ARHGAP22: variants seen among roughly 807,000 people sequenced by gnomAD.
ARHGAP22 encodes Rho GTPase activating protein 22, also known as rho GTPase-activating protein 22.
A neutral mutation model predicts 59.1 loss-of-function variants in ARHGAP22; 48 were observed. The ratio of observed to expected loss-of-function variants is 0.81; its 90% CI spans 0.64 to 1.03. The LOEUF is 1.03. Among genes scored for constraint, ARHGAP22 ranks in the 50% least tolerant of loss-of-function variants. The probability of loss-of-function intolerance (pLI) is 0.00; values close to 1 mark genes in which losing one functional copy is unlikely to be tolerated. For synonymous variants in ARHGAP22, 445 were observed against 416.4 expected, an observed-to-expected ratio of 1.07 and a Z score of -0.84; for missense variants, 1,015 against 958.7, an observed-to-expected ratio of 1.06 and a Z score of -0.78.
At chr10:48,501,261 A>C (rs1322776083) in intron 3 of ARHGAP22, among the ~76,000 whole-genome samples, 2 of 152,260 alleles carry the variant, frequency 1.3e-5, no homozygotes, top group Non-Finnish European at 2.9e-5. Flanking sequence ...GAAGGCAGGG[A>C]AACAGGGAGA....
chr10:48,462,259 C>A (rs1201435686), intron 4 of ARHGAP22, among the ~76,000 whole-genome samples: 17 of 106,326 alleles, frequency 1.6e-4, no homozygotes, highest in Non-Finnish European at 3.0e-4. Context: ...GGGGGGGGGG[C>A]ACCTGAGTGT....
In ARHGAP22 at chr10:48,508,892, C is replaced by G. The variant is rs78150358; in HGVS notation, c.323-29128G>C. Among the ~76,000 whole-genome samples the G allele has an allele frequency of 8.6e-3, 1,317 of 152,352 alleles. 20 individuals carry two copies. Among genetic ancestry groups the G allele is most frequent in the African/African-American group, 0.03 (1,264 of 41,576 alleles). On this transcript the variant is annotated intron_variant, in intron 3 of 9. Transcript: ENST00000249601. Reference sequence around the variant, plus strand: ...ACTAACAGTGACACCAATCAACATGCCAGAAGCAAGCGTTCCTAAGGATGC... The same window carrying G: ...ACTAACAGTGACACCAATCAACATGGCAGAAGCAAGCGTTCCTAAGGATGC...
In ARHGAP22 at chr10:48,539,323, G is replaced by T. The variant is rs368665406; in HGVS notation, c.322+16140C>A. 4.5e-5 allele frequency among the ~76,000 whole-genome samples: 6 copies of T among 133,260 alleles called. No individual in the cohort carries two copies. The East Asian group carries it at 6.5e-4, about 14-fold the overall frequency. 87.4% of individuals were successfully genotyped at this position (133,260 alleles called of 152,430 possible). On this transcript the variant is annotated intron_variant, in intron 3 of 9. Transcript: ENST00000249601. ...TTTTTTTTTTTTGAGACGGAGTCTC[G>T]CTCTGTCGCCCAGGCTGGAGTGCAG...
At chr10:48,487,523 T>C (rs1442525275) in intron 3 of ARHGAP22, among the ~76,000 whole-genome samples, 1 of 151,974 alleles carries the variant, frequency 6.6e-6, no homozygotes, top group Non-Finnish European at 1.5e-5. Context: ...AGGGATAAAA[T>C]GTGAGAAGAA....
the ARHGAP22 span, among the ~76,000 whole-genome samples, chr10:48,432,994 AAAGGAATTTT>A: frequency 6.6e-6 from 1 of 152,198 alleles, no homozygotes; most frequent in East Asian, 1.9e-4. Flanking sequence ...TTGATTTTTA[AAAGGAATTTT>A]ATTCTTTTTC....
chr10:48,652,234 T>A lies in ARHGAP22; in HGVS notation c.52A>T (p.Thr18Ser), dbSNP rs1158525827. The change falls in exon 1 of 10, where the codon ACC (threonine) becomes TCC (serine). Residue 18 changes from threonine (T) to serine (S), a missense_variant and splice_region_variant. Physicochemically the swap from Thr to Ser is moderately conservative, Grantham distance 58. Transcript: ENST00000435790. The stretch of plus-strand genomic sequence containing the variant: ...ACATAGAACATAAAAAAATTCTTAC[T>A]GAAATATCTGGCTGCAAACGTCCTC... 6 of 1,535,290 alleles carry A rather than the reference T, an allele frequency of 3.9e-6. No individual in the cohort carries two copies. The East Asian group carries it at 1.2e-4, about 31-fold the overall frequency.
intron 1 of ARHGAP22, among the ~76,000 whole-genome samples, chr10:48,631,047 C>G (rs2061611952): frequency 6.6e-6 from 1 of 152,114 alleles, no homozygotes; most frequent in African/African-American, 2.4e-5. Flanking sequence ...TATGATTTTT[C>G]TTCTTTAGCC....
intron 1 of ARHGAP22, among the ~76,000 whole-genome samples, chr10:48,632,085 T>C (rs2061647829): frequency 6.6e-6 from 1 of 152,244 alleles, no homozygotes; most frequent in African/African-American, 2.4e-5. Context: ...CAGTGTACAC[T>C]GTACCCAATA....
chr10:48,448,241 C>G (rs761583725), intron 9 of ARHGAP22, among the ~76,000 whole-genome samples: 3 of 152,254 alleles, frequency 2.0e-5, no homozygotes, highest in Non-Finnish European at 2.9e-5. Context: ...GGGGTCAGTG[C>G]TGGCTGCAGC....
chr10:48,630,199 C>G lies in ARHGAP22; in HGVS notation c.52+22035G>C, dbSNP rs530699705. Among the ~76,000 whole-genome samples the G allele has an allele frequency of 5.9e-5, 9 of 152,310 alleles. No individual in the cohort carries two copies. The South Asian group carries it at 1.9e-3, about 32-fold the overall frequency. ...CTCCACCTCCCTGGTTCAAGTGATT[C>G]TCCTGCCTCAGCCTCCTGACTAGCT... On this transcript the variant is annotated intron_variant, in intron 1 of 9. Coordinates refer to the ARHGAP22 transcript ENST00000435790.
At chr10:48,483,244 C>T (rs1274103615) in intron 3 of ARHGAP22, among the ~76,000 whole-genome samples, 1 of 152,124 alleles carries the variant, frequency 6.6e-6, no homozygotes, top group Admixed American at 6.6e-5. Context: ...CATTGGGGTA[C>T]ATTAACGTAT....
chr10:48,581,001 A>G (rs1190349407), intron 2 of ARHGAP22, among the ~76,000 whole-genome samples: 1 of 152,024 alleles, frequency 6.6e-6, no homozygotes, highest in Non-Finnish European at 1.5e-5. Flanking sequence ...GTCCTTCAAG[A>G]TGAGTCCCCA....
At chr10:48,637,545 T>C (rs1369741968) in intron 1 of ARHGAP22, among the ~76,000 whole-genome samples, 29 of 151,324 alleles carry the variant, frequency 1.9e-4, no homozygotes, top group Admixed American at 1.9e-3. Context: ...TATAAATGGA[T>C]GGATGGATGG....
intron 1 of ARHGAP22, among the ~76,000 whole-genome samples, chr10:48,611,792 C>CCTTCCCTTCCTTTCTCTTCA (rs2060894491): frequency 3.6e-5 from 5 of 140,452 alleles, no homozygotes; most frequent in African/African-American, 1.4e-4. Flanking sequence ...TGCTCCTTTC[C>CCTTCCCTTCCTTTCTCTTCA]CTTCCCTTCC....
chr10:48,495,630 C>T (rs1159472422), intron 3 of ARHGAP22, among the ~76,000 whole-genome samples: 1 of 130,106 alleles, frequency 7.7e-6, no homozygotes, highest in Non-Finnish European at 1.8e-5. Context: ...CAATGGCCCC[C>T]GGTGAACCTT....
intron 8 of ARHGAP22, 183 bp from the exon 9 acceptor site, chr10:48,451,323 A>T: frequency 1.2e-6 from 1 of 853,568 alleles, no homozygotes. Flanking sequence ...TCCAGGCAGG[A>T]CAGCAGGATG....
rs781044438 is a variant in ARHGAP22 at position 48,479,726 on chromosome 10, C to T, written c.361G>A (p.Glu121Lys). Residue 121 changes from glutamate to lysine, a missense_variant, in exon 4 of 10, where the codon GAG becomes AAG. Transcript: ENST00000249601. ...GEREKVPANP[E>K]ALLLMASSQR... ...GAGCTGGCCATGAGCAGGAGCGCCT[C>T]GGGGTTGGCCGGCACCTTCTCCCGC... The T allele has an allele frequency of 6.2e-6, 10 of 1,601,774 alleles. No individual in the cohort carries two copies. The highest frequency in any genetic ancestry group is 3.4e-5 in the Admixed American group (2 of 59,084).
At chr10:48,648,861 T>C (rs1477458554) in intron 1 of ARHGAP22, among the ~76,000 whole-genome samples, 4 of 151,906 alleles carry the variant, frequency 2.6e-5, no homozygotes. Flanking sequence ...CAGAGGTAAG[T>C]GGCCTGGGCA....
rs779558574 is a variant in ARHGAP22, at chr10:48,450,557, G to GCCCCCCA, written c.1565_1571dup (p.Ser525GlyfsTer83). ...GGCAGGCCGTGCAGCTGCTGAGTGA[G>GCCCCCCA]CCCCCCACCGACGACTCGCTGGACG... On this transcript the variant is annotated frameshift_variant, in exon 9 of 10. Coordinates refer to ENST00000249601, the MANE Select transcript of ARHGAP22 (RefSeq NM_021226.4). LOFTEE classifies it high-confidence loss of function. 36 of 1,525,392 alleles carry GCCCCCCA rather than the reference G, an allele frequency of 2.4e-5. No individual in the cohort carries two copies. Among genetic ancestry groups the GCCCCCCA allele is most frequent in the Non-Finnish European group, 3.1e-5 (35 of 1,137,030 alleles). 94.5% of individuals were successfully genotyped at this position (1,525,392 alleles called of 1,614,324 possible).
Sources: gnomAD v4.1 joint callset for allele counts (sites outside exome capture counted in the v4.1 genomes callset) on GRCh38, gnomAD v4.1.1 for gene constraint, MANE v1.5 for transcripts, NCBI Gene and HGNC (gene_info 2026-07-23, HGNC 2026-07-21) for gene names.